Variants in ROCK1 observed in about 807,000 individuals in gnomAD.
ROCK1 encodes Rho associated coiled-coil containing protein kinase 1, also known as rho-associated protein kinase 1.
In ROCK1, 36 loss-of-function variants were observed where a neutral mutation model predicts 196.8. The ratio of observed to expected loss-of-function variants is 0.18; its 90% CI spans 0.14 to 0.24. ROCK1 has a LOEUF of 0.24. ROCK1 is among the 10% of genes least tolerant of loss of function. ROCK1 has a pLI of 1.00. For synonymous variants in ROCK1, 443 were observed against 515.9 expected (o/e 0.86, Z 1.91); for missense variants, 920 against 1,562.0 (o/e 0.59, Z 6.93).
rs376631039 is a variant in ROCK1, at chr18:21,079,318, T to C, written c.94-8705A>G. ...GAGGCATGTTGCTCACCTCCATATT[T>C]TTCTGCTGCCTGCGGAACTGTCTGC... On this transcript the variant is annotated intron_variant, in intron 1 of 32. Coordinates refer to ENST00000399799, the MANE Select transcript of ROCK1 (RefSeq NM_005406.3). Among the ~76,000 whole-genome samples the C allele has an allele frequency of 6.6e-5, 10 of 152,328 alleles. 1 individual carries two copies. In the South Asian group the frequency reaches 1.2e-3, roughly 19 times the overall value.
intron 7 of ROCK1, 92 bp from the exon 8 acceptor site, chr18:21,042,327 GATT>G (rs1202005199): frequency 8.4e-7 from 1 of 1,192,208 alleles, no homozygotes; most frequent in East Asian, 2.5e-5. Context: ...CGTTTAAAAA[GATT>G]ATTAGGTATG....
intron 17 of ROCK1, among the ~76,000 whole-genome samples, chr18:20,992,459 C>G (rs1390284420): frequency 2.0e-5 from 3 of 152,208 alleles, no homozygotes; most frequent in Non-Finnish European, 4.4e-5. Flanking sequence ...AGAACAGGTA[C>G]TCATCATCTA....
chr18:20,982,444 G>T (rs915029150), intron 21 of ROCK1, among the ~76,000 whole-genome samples: 14 of 152,086 alleles, frequency 9.2e-5, no homozygotes, highest in African/African-American at 3.1e-4. Context: ...TAGAGACGGG[G>T]TTTCACCATG....
intron 10 of ROCK1, among the ~76,000 whole-genome samples, 189 bp from the exon 11 acceptor site, chr18:21,023,869 C>G (rs951189758): frequency 1.3e-5 from 2 of 151,986 alleles, no homozygotes; most frequent in Non-Finnish European, 2.9e-5. Context: ...ATAAAACACC[C>G]AGTTAGGTCT....
chr18:21,036,726 G>A (rs1310358893), intron 9 of ROCK1, among the ~76,000 whole-genome samples: 1 of 152,080 alleles, frequency 6.6e-6, no homozygotes, highest in Non-Finnish European at 1.5e-5. Flanking sequence ...ACAAGCATGA[G>A]CCACTGTATA....
chr18:21,018,540 A>G (rs1318966359), intron 12 of ROCK1, among the ~76,000 whole-genome samples: 3 of 152,104 alleles, frequency 2.0e-5, no homozygotes, highest in Non-Finnish European at 4.4e-5. Context: ...CAAAAAAAAA[A>G]AAAAAAAATT....
chr18:21,109,335 T>C (rs2036729610), intron 1 of ROCK1, among the ~76,000 whole-genome samples: 1 of 152,156 alleles, frequency 6.6e-6, no homozygotes, highest in Non-Finnish European at 1.5e-5. Context: ...GGCCAGAAGA[T>C]GATTTAAAGA....
At chr18:21,071,585 C>T (rs1356600439) in intron 1 of ROCK1, among the ~76,000 whole-genome samples, 1 of 152,144 alleles carries the variant, frequency 6.6e-6, no homozygotes, top group Non-Finnish European at 1.5e-5. Flanking sequence ...CAGACTATAT[C>T]CTGCTGCATG....
At chr18:21,039,405 G>T (rs2143498753) in intron 9 of ROCK1, 67 bp downstream of exon 9, 1 of 1,133,970 alleles carries the variant, frequency 8.8e-7, no homozygotes, top group Non-Finnish European at 1.3e-6. Context: ...TAGCAATGTA[G>T]TTTCAACAAA....
chr18:21,014,574 A>G (rs556650905), intron 13 of ROCK1, among the ~76,000 whole-genome samples: 2 of 152,374 alleles, frequency 1.3e-5, no homozygotes, highest in African/African-American at 4.8e-5. Context: ...AAAGTTAAAT[A>G]TAAGTGGAAG....
intron 1 of ROCK1, among the ~76,000 whole-genome samples, chr18:21,104,520 C>G (rs530351588): frequency 2.0e-4 from 31 of 152,270 alleles, no homozygotes; most frequent in African/African-American, 7.2e-4. Context: ...TGGCGTGAAC[C>G]CAGGAGGTGG....
At chr18:21,078,743 C>T (rs1484250437) in intron 1 of ROCK1, among the ~76,000 whole-genome samples, 1 of 152,110 alleles carries the variant, frequency 6.6e-6, no homozygotes, top group Non-Finnish European at 1.5e-5. Flanking sequence ...AGTGGATGCA[C>T]CTTGGGGATT....
chr18:21,105,440 A>G (rs1249850869), intron 1 of ROCK1, among the ~76,000 whole-genome samples: 1 of 152,208 alleles, frequency 6.6e-6, no homozygotes, highest in Non-Finnish European at 1.5e-5. Context: ...CAGAGATACA[A>G]CTTTAAGGCT....
intron 16 of ROCK1, among the ~76,000 whole-genome samples, chr18:20,997,929 C>T (rs904093431): frequency 6.6e-6 from 1 of 151,720 alleles, no homozygotes; most frequent in African/African-American, 2.4e-5. Flanking sequence ...TTCCGACTCC[C>T]GGGTTCAAGC....
At chr18:20,971,665 A>AAAATAAAT (rs56208525) in intron 22 of ROCK1, among the ~76,000 whole-genome samples, 4 of 137,722 alleles carry the variant, frequency 2.9e-5, no homozygotes, top group South Asian at 2.5e-4. Flanking sequence ...CTCCGTCTCA[A>AAAATAAAT]AAATAAATAA....
intron 10 of ROCK1, 22 bp downstream of exon 10, chr18:21,028,754 A>AAT: frequency 6.4e-7 from 1 of 1,574,648 alleles, no homozygotes; most frequent in Non-Finnish European, 8.6e-7. Flanking sequence ...TTACTCCTAT[A>AAT]ATCACTGTTT....
intron 29 of ROCK1, among the ~76,000 whole-genome samples, chr18:20,956,387 G>A (rs1003349680): frequency 7.2e-5 from 11 of 152,052 alleles, no homozygotes; most frequent in African/African-American, 2.7e-4. Context: ...TACATATTAA[G>A]TACAGACACA....
rs1052231018 is a variant in ROCK1 at position 20,949,258 on chromosome 18, G to A, written c.*2126C>T. On this transcript the variant is annotated 3_prime_UTR_variant, in exon 33 of 33. Coordinates refer to ENST00000399799, the MANE Select transcript of ROCK1 (RefSeq NM_005406.3). ...AGTCTGAGAAGGTAGTAAGGACACC[G>A]TCAGGAACTGTGCTGAGATTTTATC... is the stretch of plus-strand genomic sequence containing the variant. 10 of 152,138 alleles carry A rather than the reference G, an allele frequency of 6.6e-5. No homozygotes were observed. The highest frequency in any genetic ancestry group is 1.7e-4 in the African/African-American group (7 of 41,520). The allele number at this position is 152,138 out of a possible 1,614,324, so 9.4% of individuals were successfully genotyped here.
intron 26 of ROCK1, 55 bp downstream of exon 26, chr18:20,967,697 T>C: frequency 7.7e-7 from 1 of 1,296,402 alleles, no homozygotes; most frequent in Non-Finnish European, 1.1e-6. Flanking sequence ...TATACAGAAA[T>C]AATTTAAGAA....
Sources: allele counts gnomAD v4.1 joint callset (sites outside exome capture counted in the v4.1 genomes callset), GRCh38; gene constraint gnomAD v4.1.1; transcripts MANE v1.5; gene names NCBI Gene and HGNC (gene_info 2026-07-23, HGNC 2026-07-21).